The following MED12L variants were observed in gnomAD, a reference collection of about 807,000 sequenced individuals.
MED12L encodes mediator complex subunit 12L.
A neutral mutation model predicts 281.3 loss-of-function variants in MED12L; 60 were observed. The observed-to-expected ratio is 0.21, with a 90% CI of 0.17 to 0.26. MED12L has a LOEUF of 0.26. MED12L is among the 10% of genes least tolerant of loss of function. The pLI, the probability that MED12L is intolerant of heterozygous loss-of-function variation, is 1.00. For synonymous variants in MED12L, 974 were observed against 987.2 expected (o/e 0.99, Z 0.25); for missense variants, 2,146 against 2,680.9 (o/e 0.80, Z 4.41).
In MED12L at chr3:151,223,313, C is replaced by T. The variant is rs561617568; in HGVS notation, c.2250+29647C>T. ...CTCAAAGAACTAAACATAAAATTAC[C>T]ATTTCACCCAGCAATCCCATTACTA... On this transcript the variant is annotated intron_variant, in intron 16 of 44. Transcript: ENST00000687756. Among the ~76,000 whole-genome samples, 299 of 152,068 alleles carry T rather than the reference C, an allele frequency of 2.0e-3. 2 individuals are homozygous for T. The highest frequency in any genetic ancestry group is 7.0e-3 in the African/African-American group (290 of 41,474).
At chr3:151,274,715 T>A (rs1038396542) in intron 16 of MED12L, among the ~76,000 whole-genome samples, 1 of 152,206 alleles carries the variant, frequency 6.6e-6, no homozygotes, top group African/African-American at 2.4e-5. Context: ...TGTAATCTTA[T>A]AAGTTATAAT....
At chr3:151,335,567 A>G (rs1750870599) in intron 16 of MED12L, among the ~76,000 whole-genome samples, 1 of 152,166 alleles carries the variant, frequency 6.6e-6, no homozygotes, top group Non-Finnish European at 1.5e-5. Context: ...TCATCTTTTG[A>G]ACTTTTCACA....
Position 151,434,432 on chromosome 3 carries a change from C to T in MED12L, c.*1628C>T, listed in dbSNP as rs1271098158. 6.6e-6 allele frequency: 1 copy of T among 152,194 alleles called. No individual in the cohort carries two copies. Among genetic ancestry groups the T allele is most frequent in the Non-Finnish European group, 1.5e-5 (1 of 68,044 alleles). 9.4% of individuals were successfully genotyped at this position (152,194 alleles called of 1,614,324 possible). ...TGAAAATATTTCACTCCAGCCTGCC[C>T]ATTTTGTGTTTACTCTGGGCTGGAA... On this transcript the variant is annotated 3_prime_UTR_variant, in exon 45 of 45. Transcript: ENST00000687756.
chr3:151,099,250 A>G (rs772955372), intron 2 of MED12L, among the ~76,000 whole-genome samples: 7 of 152,220 alleles, frequency 4.6e-5, no homozygotes, highest in Non-Finnish European at 1.0e-4. Flanking sequence ...AAGGAGCATG[A>G]GAATTTACCA....
chr3:151,190,579 C>T, intron 13 of MED12L, 138 bp from the exon 14 acceptor site: 1 of 758,894 alleles, frequency 1.3e-6, no homozygotes, highest in Non-Finnish European at 2.1e-6. Context: ...ATGCTAGTGC[C>T]TCAGTAAATC....
At chr3:151,170,591 TTACTC>T (rs1721307773) in intron 11 of MED12L, among the ~76,000 whole-genome samples, 2 of 152,126 alleles carry the variant, frequency 1.3e-5, no homozygotes, top group Non-Finnish European at 2.9e-5. Flanking sequence ...TGCTAATTCT[TTACTC>T]TCCCTCCCTG....
At chr3:151,312,301 G>T (rs898382539) in intron 16 of MED12L, among the ~76,000 whole-genome samples, 4 of 152,130 alleles carry the variant, frequency 2.6e-5, no homozygotes, top group African/African-American at 9.7e-5. Flanking sequence ...TCTCTTTTTA[G>T]TTCTCAGCCT....
At position 151,265,508 on chromosome 3, in the gene MED12L, C is replaced by A. The variant is rs145529543; in HGVS notation, c.2250+71842C>A. ...TCTTTATTCTCAACTGCCCACTTGCCGGTCACTGCCATCATCCTCCCTATC... is the reference window on the plus strand; with the variant it reads ...TCTTTATTCTCAACTGCCCACTTGCAGGTCACTGCCATCATCCTCCCTATC... On this transcript the variant is annotated intron_variant, in intron 16 of 44. Transcript: ENST00000687756. Among the ~76,000 whole-genome samples the A allele has an allele frequency of 7.1e-3, 1,076 of 152,222 alleles. 14 individuals are homozygous for A. Among genetic ancestry groups the A allele is most frequent in the African/African-American group, 0.024 (1,005 of 41,542 alleles).
chr3:151,221,401 A>C (rs1322915506), intron 16 of MED12L, among the ~76,000 whole-genome samples: 2 of 152,202 alleles, frequency 1.3e-5, no homozygotes, highest in Non-Finnish European at 2.9e-5. Context: ...AATGGGGAAA[A>C]TGTATCCAGG....
At chr3:151,327,162 C>T (rs1749712005) in intron 16 of MED12L, 1 of 152,070 alleles carries the variant, frequency 6.6e-6, no homozygotes, top group African/African-American at 2.4e-5. Flanking sequence ...CATTGAGAAC[C>T]CTATCACACA....
chr3:151,339,939 CA>C (rs1436729333), intron 16 of MED12L, among the ~76,000 whole-genome samples: 1 of 151,816 alleles, frequency 6.6e-6, no homozygotes, highest in Non-Finnish European at 1.5e-5. Flanking sequence ...ATTGAAAGTA[CA>C]AATAACAAAT....
chr3:151,271,452 A>G (rs981727090), intron 16 of MED12L, among the ~76,000 whole-genome samples: 3 of 152,216 alleles, frequency 2.0e-5, no homozygotes, highest in Non-Finnish European at 4.4e-5. Flanking sequence ...GTCACTTCTT[A>G]TCAAGTTAAA....
intron 8 of MED12L, 85 bp from the exon 9 acceptor site, chr3:151,163,808 T>C (rs1720324395): frequency 7.4e-7 from 1 of 1,349,312 alleles, no homozygotes; most frequent in African/African-American, 1.4e-5. Context: ...AATACAGTGA[T>C]GACAGGGTGT....
At chr3:151,206,137 T>C (rs75878557) in intron 16 of MED12L, among the ~76,000 whole-genome samples, 1 of 151,846 alleles carries the variant, frequency 6.6e-6, no homozygotes. Flanking sequence ...AAGATTTTTT[T>C]CTGTGCTCTG....
chr3:151,348,195 T>G (rs1752760680), intron 16 of MED12L, among the ~76,000 whole-genome samples: 1 of 152,106 alleles, frequency 6.6e-6, no homozygotes, highest in African/African-American at 2.4e-5. Context: ...AGCCTTCACA[T>G]GGACATTTAC....
chr3:151,403,010 C>CT (rs1254415833), intron 39 of MED12L, among the ~76,000 whole-genome samples: 3 of 147,554 alleles, frequency 2.0e-5, no homozygotes, highest in Admixed American at 6.9e-5. Flanking sequence ...CTTCCTTTTT[C>CT]TTTCTTTTCT....
At chr3:151,365,361 A>G (rs1249126459) in intron 22 of MED12L, among the ~76,000 whole-genome samples, 155 bp downstream of exon 22, 1 of 152,172 alleles carries the variant, frequency 6.6e-6, no homozygotes, top group Non-Finnish European at 1.5e-5. Context: ...CCTCTGCACT[A>G]TCTTTTAATT....
chr3:151,349,941 G>A, intron 16 of MED12L, 118 bp from the exon 17 acceptor site: 1 of 795,110 alleles, frequency 1.3e-6, no homozygotes, highest in South Asian at 2.5e-5. Flanking sequence ...TGAAGGGAGG[G>A]CGGGATGCCA....
At position 151,273,796 on chromosome 3, in the gene MED12L, A is replaced by G. The variant is rs1001929752; in HGVS notation, c.2251-76263A>G. Among the ~76,000 whole-genome samples the G allele has an allele frequency of 1.5e-4, 23 of 152,172 alleles. 1 individual carries two copies. Reference sequence around the variant, plus strand: ...TCTTCTTTAGAACAAGGCATATACCATTTCTTAATTGGGGTAGGAGTGGAT... The same window carrying G: ...TCTTCTTTAGAACAAGGCATATACCGTTTCTTAATTGGGGTAGGAGTGGAT... On this transcript the variant is annotated intron_variant, in intron 16 of 44. Coordinates refer to ENST00000687756, the MANE Select transcript of MED12L (RefSeq NM_001393769.1).
Sources: allele counts gnomAD v4.1 joint callset (sites outside exome capture counted in the v4.1 genomes callset), GRCh38; gene constraint gnomAD v4.1.1; transcripts MANE v1.5; gene names NCBI Gene and HGNC (gene_info 2026-07-23, HGNC 2026-07-21).